RORA: variants seen among roughly 807,000 people sequenced by gnomAD.
RORA encodes the protein RAR related orphan receptor A.
In RORA, 7 loss-of-function variants were observed where a neutral mutation model predicts 69.5. The ratio of observed to expected loss-of-function variants is 0.10; its 90% CI spans 0.06 to 0.19. The LOEUF is 0.19. Among genes scored for constraint, RORA ranks in the 10% least tolerant of loss-of-function variants. The probability of loss-of-function intolerance (pLI) is 1.00; values close to 1 mark genes in which losing one functional copy is unlikely to be tolerated. For synonymous variants in RORA, 261 were observed against 240.8 expected (o/e 1.08, Z -0.78); for missense variants, 457 against 663.0 (o/e 0.69, Z 3.41).
intron 1 of RORA, among the ~76,000 whole-genome samples, chr15:61,022,545 CACACATT>C (rs949627541): frequency 2.9e-4 from 44 of 152,124 alleles, no homozygotes; most frequent in Middle Eastern, 3.2e-3. Context: ...CACACACAGA[CACACATT>C]CTGTTGATGC....
chr15:60,895,885 C>T (rs765672209), intron 1 of RORA, among the ~76,000 whole-genome samples: 2 of 152,168 alleles, frequency 1.3e-5, no homozygotes, highest in Non-Finnish European at 2.9e-5. Context: ...GAGGCAAGAG[C>T]TTAAAGTTCA....
At chr15:60,734,876 A>G (rs1043631767) in intron 1 of RORA, among the ~76,000 whole-genome samples, 2 of 152,234 alleles carry the variant, frequency 1.3e-5, no homozygotes, top group African/African-American at 4.8e-5. Context: ...TTTCTAATAC[A>G]TCAATCTGTT....
At chr15:61,038,136 T>C (rs1167353924) in intron 1 of RORA, among the ~76,000 whole-genome samples, 1 of 152,218 alleles carries the variant, frequency 6.6e-6, no homozygotes, top group African/African-American at 2.4e-5. Context: ...GAAATACTTT[T>C]CTTTTTTCCA....
At chr15:61,115,010 C>A (rs1018784504) in intron 1 of RORA, among the ~76,000 whole-genome samples, 3 of 152,204 alleles carry the variant, frequency 2.0e-5, no homozygotes, top group Non-Finnish European at 4.4e-5. Flanking sequence ...GAAGCAACTA[C>A]ATTTATGTGA....
intron 1 of RORA, among the ~76,000 whole-genome samples, chr15:60,931,227 C>T (rs545416723): frequency 1.8e-4 from 28 of 152,288 alleles, no homozygotes; most frequent in East Asian, 7.7e-4. Flanking sequence ...GTAGGAGGCA[C>T]GGAGGCACAT....
intron 1 of RORA, among the ~76,000 whole-genome samples, chr15:60,922,777 C>T (rs747371202): frequency 6.6e-6 from 1 of 152,228 alleles, no homozygotes; most frequent in Non-Finnish European, 1.5e-5. Context: ...CCCAGAGTTT[C>T]TGTCTGTAAC....
chr15:61,046,039 A>C (rs1011677585), intron 1 of RORA, among the ~76,000 whole-genome samples: 5 of 152,136 alleles, frequency 3.3e-5, no homozygotes, highest in Admixed American at 6.5e-5. Flanking sequence ...GCAGAGAGAA[A>C]AGAAAGCAAG....
intron 1 of RORA, among the ~76,000 whole-genome samples, chr15:61,188,156 C>A (rs2079762221): frequency 6.6e-6 from 1 of 152,124 alleles, no homozygotes; most frequent in Non-Finnish European, 1.5e-5. Flanking sequence ...GTTTCCCCAC[C>A]CGACACACCT....
intron 1 of RORA, among the ~76,000 whole-genome samples, chr15:60,950,429 C>A (rs1166238372): frequency 1.1e-5 from 1 of 89,468 alleles, no homozygotes; most frequent in Admixed American, 1.4e-4. Context: ...ATCAAATTCA[C>A]ACATAACAAT....
At chr15:60,688,601 T>C (rs2070780174) in intron 1 of RORA, among the ~76,000 whole-genome samples, 1 of 152,202 alleles carries the variant, frequency 6.6e-6, no homozygotes, top group Non-Finnish European at 1.5e-5. Context: ...CTATGTGAAG[T>C]CTGAAGTGAA....
At chr15:61,138,141 G>A (rs2079262528) in intron 1 of RORA, among the ~76,000 whole-genome samples, 1 of 152,108 alleles carries the variant, frequency 6.6e-6, no homozygotes, top group South Asian at 2.1e-4. Flanking sequence ...CACATGCTTG[G>A]AATAGGATGA....
Position 60,571,857 on chromosome 15 carries a change from C to T in RORA, c.197-40006G>A, listed in dbSNP as rs750265375. Among the ~76,000 whole-genome samples, 4 of 152,082 alleles carry T rather than the reference C, an allele frequency of 2.6e-5. No homozygotes were observed. The East Asian group carries it at 7.7e-4, about 29-fold the overall frequency. On this transcript the variant is annotated intron_variant, in intron 2 of 10. Transcript: ENST00000335670. The stretch of plus-strand genomic sequence containing the variant: ...AAATTCACTTTTTAGAATGTTAGGC[C>T]AACACATAAATTGACCTCACTGCAT...
Position 61,107,037 on chromosome 15 carries a change from C to G in RORA, c.166+122016G>C, listed in dbSNP as rs1275329385. ...CATCCTGAACATGGTCACTGAGCAG[C>G]CAGCATCTGCCCACCTTGGCCCTGG... is the stretch of plus-strand genomic sequence containing the variant. On this transcript the variant is annotated intron_variant, in intron 1 of 10. Coordinates refer to ENST00000335670, the MANE Select transcript of RORA (RefSeq NM_134261.3). Among the ~76,000 whole-genome samples, 3 of 152,168 alleles carry G rather than the reference C, an allele frequency of 2.0e-5. No individual in the cohort carries two copies. The East Asian group carries it at 5.8e-4, about 29-fold the overall frequency.
intron 2 of RORA, among the ~76,000 whole-genome samples, chr15:60,618,956 C>T (rs534645007): frequency 6.6e-6 from 1 of 152,310 alleles, no homozygotes; most frequent in South Asian, 2.1e-4. Flanking sequence ...CAAACATAAA[C>T]TAGGTGTTCC....
At chr15:60,867,427 C>G (rs562874718) in intron 1 of RORA, among the ~76,000 whole-genome samples, 21 of 152,106 alleles carry the variant, frequency 1.4e-4, no homozygotes, top group African/African-American at 5.1e-4. Flanking sequence ...TGTAGAACAC[C>G]CAGTTCGTGT....
At chr15:60,899,573 T>G (rs1891327531) in intron 1 of RORA, among the ~76,000 whole-genome samples, 1 of 152,332 alleles carries the variant, frequency 6.6e-6, no homozygotes, top group Non-Finnish European at 1.5e-5. Flanking sequence ...CTCTTCAAGT[T>G]AGGTTGACAG....
chr15:60,795,373 T>C (rs2072480523), intron 1 of RORA, among the ~76,000 whole-genome samples: 1 of 152,218 alleles, frequency 6.6e-6, no homozygotes. Context: ...ATGGGCTGCT[T>C]GAGATGTAGA....
rs1236864602 is a variant in RORA, at chr15:60,779,107, C to G, written c.167-100421G>C. On this transcript the variant is annotated intron_variant, in intron 1 of 10. Coordinates refer to ENST00000335670, the MANE Select transcript of RORA (RefSeq NM_134261.3). ...GTTTAGGTAGCGAGCATAAATAACTCGTTTCAAGCCTAAATTGGACTTCTA... is the reference window on the plus strand; with the variant it reads ...GTTTAGGTAGCGAGCATAAATAACTGGTTTCAAGCCTAAATTGGACTTCTA... Among the ~76,000 whole-genome samples the G allele has an allele frequency of 2.0e-5, 3 of 152,158 alleles. No individual in the cohort carries two copies. The East Asian group carries it at 5.8e-4, about 29-fold the overall frequency.
intron 2 of RORA, among the ~76,000 whole-genome samples, chr15:60,670,565 A>G (rs1478003332): frequency 2.0e-5 from 3 of 152,138 alleles, no homozygotes; most frequent in Non-Finnish European, 4.4e-5. Context: ...TTAAGACAGT[A>G]GGAGCTGGAG....
Sources: allele counts gnomAD v4.1 joint callset (sites outside exome capture counted in the v4.1 genomes callset), GRCh38; gene constraint gnomAD v4.1.1; transcripts MANE v1.5; gene names NCBI Gene and HGNC (gene_info 2026-07-23, HGNC 2026-07-21).